Variants in RALGPS2 observed in about 807,000 individuals in gnomAD.
The protein encoded by RALGPS2 is ras-specific guanine nucleotide-releasing factor RalGPS2.
In RALGPS2, 43 loss-of-function variants were observed where a neutral mutation model predicts 86.8. The observed-to-expected ratio is 0.50, with a 90% CI of 0.39 to 0.64. The LOEUF is 0.64. Among genes scored for constraint, RALGPS2 ranks in the 30% least tolerant of loss-of-function variants. RALGPS2 has a pLI of 0.00. For synonymous variants in RALGPS2, 243 were observed against 231.3 expected (o/e 1.05, Z -0.46); for missense variants, 536 against 694.6 (o/e 0.77, Z 2.57).
At chr1:178,823,426 G>A (rs925225937) in intron 7 of RALGPS2, among the ~76,000 whole-genome samples, 1 of 151,756 alleles carries the variant, frequency 6.6e-6, no homozygotes, top group Non-Finnish European at 1.5e-5. Context: ...ATAAATAAAT[G>A]ACATAAATAG....
At chr1:178,813,586 C>T (rs544222442) in intron 6 of RALGPS2, among the ~76,000 whole-genome samples, 112 of 152,034 alleles carry the variant, frequency 7.4e-4, no homozygotes, top group Admixed American at 1.8e-3. Context: ...GAGATAGAAC[C>T]GTAGCATTCT....
intron 17 of RALGPS2, among the ~76,000 whole-genome samples, chr1:178,899,365 T>A (rs1465016774): frequency 6.6e-6 from 1 of 151,814 alleles, no homozygotes; most frequent in Non-Finnish European, 1.5e-5. Context: ...TCTTTTCTAA[T>A]TAAATTAAAA....
intron 1 of RALGPS2, among the ~76,000 whole-genome samples, chr1:178,773,275 T>C (rs1238162830): frequency 1.3e-5 from 2 of 152,080 alleles, no homozygotes; most frequent in East Asian, 3.9e-4. Context: ...ACCCCAGGAA[T>C]TGGAGGCTGC....
At chr1:178,875,595 A>T (rs969847875) in intron 8 of RALGPS2, among the ~76,000 whole-genome samples, 1 of 152,090 alleles carries the variant, frequency 6.6e-6, no homozygotes, top group African/African-American at 2.4e-5. Context: ...TAAAAATGCA[A>T]GAACTACCCA....
At chr1:178,908,004 C>T (rs1422909153) in intron 19 of RALGPS2, among the ~76,000 whole-genome samples, 2 of 152,064 alleles carry the variant, frequency 1.3e-5, no homozygotes, top group African/African-American at 4.8e-5. Context: ...TATTGTGTGT[C>T]ACTGAGGTTT....
At chr1:178,865,756 G>A in intron 8 of RALGPS2, 1 of 1,602,352 alleles carries the variant, frequency 6.2e-7, no homozygotes, top group Non-Finnish European at 8.5e-7. Flanking sequence ...GCACACCTAG[G>A]GTCCAGGTAA....
chr1:178,856,135 C>G (rs1174483335), intron 8 of RALGPS2, among the ~76,000 whole-genome samples: 1 of 144,172 alleles, frequency 6.9e-6, no homozygotes, highest in Non-Finnish European at 1.5e-5. Context: ...AATTTCTGTA[C>G]TATAAGGAGA....
chr1:178,833,418 T>C lies in RALGPS2; in HGVS notation c.481-6T>C. 5 of 1,504,394 alleles carry C rather than the reference T, an allele frequency of 3.3e-6. No homozygotes were observed. The highest frequency in any genetic ancestry group is 4.4e-6 in the Non-Finnish European group (5 of 1,139,796). 93.2% of individuals were successfully genotyped at this position (1,504,394 alleles called of 1,614,324 possible). A position where few individuals can be genotyped will look rare whatever the true frequency, so the allele number is the denominator to read the frequency against. On this transcript the variant is annotated splice_polypyrimidine_tract_variant and splice_region_variant and intron_variant, in intron 7 of 19. Coordinates refer to ENST00000367635, the MANE Select transcript of RALGPS2 (RefSeq NM_152663.5). Reference sequence around the variant, plus strand: ...AATAACTTAGGTTTTTCTGTTTGTTTTTTAGTTATTAAGTCGAAAAGACAA... The same window carrying C: ...AATAACTTAGGTTTTTCTGTTTGTTCTTTAGTTATTAAGTCGAAAAGACAA...
At chr1:178,818,214 G>A (rs1331563862) in intron 6 of RALGPS2, among the ~76,000 whole-genome samples, 1 of 152,086 alleles carries the variant, frequency 6.6e-6, no homozygotes, top group Non-Finnish European at 1.5e-5. Context: ...ACAAAAATTA[G>A]CCATGCATGG....
At chr1:178,815,377 G>T (rs1237708815) in intron 6 of RALGPS2, among the ~76,000 whole-genome samples, 1 of 151,986 alleles carries the variant, frequency 6.6e-6, no homozygotes, top group East Asian at 1.9e-4. Context: ...GAGCCACCGC[G>T]CCTGGCAGTC....
In RALGPS2 at chr1:178,878,877, TA is replaced by T. The variant is rs758538984; in HGVS notation, c.746-23del. ...TCTGGTTAAGATGTACTTTATCAGA[TA>T]ATTATTTATCACCTTTTGCCTAGAT... On this transcript the variant is annotated intron_variant, in intron 9 of 19. Transcript: ENST00000367635. 8 of 1,608,936 alleles carry T rather than the reference TA, an allele frequency of 5.0e-6. No individual in the cohort carries two copies. The African/African-American group carries it at 1.1e-4, about 22-fold the overall frequency.
At chr1:178,792,691 G>A (rs10913627) in intron 4 of RALGPS2, among the ~76,000 whole-genome samples, 21 of 152,032 alleles carry the variant, frequency 1.4e-4, no homozygotes, top group African/African-American at 3.9e-4. Flanking sequence ...CCCAAGCTGC[G>A]TGACCAAATT....
intron 8 of RALGPS2, among the ~76,000 whole-genome samples, chr1:178,868,402 A>G (rs571392471): frequency 6.6e-6 from 1 of 152,060 alleles, no homozygotes; most frequent in African/African-American, 2.4e-5. Flanking sequence ...TAATACTAGA[A>G]TGGAAACTCT....
intron 8 of RALGPS2, among the ~76,000 whole-genome samples, chr1:178,854,988 T>G (rs536392451): frequency 1.3e-5 from 2 of 152,278 alleles, no homozygotes; most frequent in South Asian, 4.1e-4. Flanking sequence ...AAAAAAGAAT[T>G]ACCCTAAAGA....
At position 178,917,599 on chromosome 1, in the gene RALGPS2, G is replaced by A. The variant is rs1184557515; in HGVS notation, c.*1240G>A. The A allele has an allele frequency of 6.6e-6, 1 of 152,042 alleles. No homozygotes were observed. The highest frequency in any genetic ancestry group is 2.4e-5 in the African/African-American group (1 of 41,412). The allele number at this position is 152,042 out of a possible 1,614,324, so 9.4% of individuals were successfully genotyped here. Reference sequence around the variant, plus strand: ...CATAAACATACCAAAACATTTTTCTGAAAATTTACTGTCGGTCTCTGACAT... The same window carrying A: ...CATAAACATACCAAAACATTTTTCTAAAAATTTACTGTCGGTCTCTGACAT... On this transcript the variant is annotated 3_prime_UTR_variant, in exon 20 of 20. Coordinates refer to ENST00000367635, the MANE Select transcript of RALGPS2 (RefSeq NM_152663.5).
chr1:178,871,464 G>A (rs2102352095), intron 8 of RALGPS2, among the ~76,000 whole-genome samples: 1 of 152,266 alleles, frequency 6.6e-6, no homozygotes, highest in Middle Eastern at 3.4e-3. Flanking sequence ...TCAGGAGGCA[G>A]CCACCTAAAT....
chr1:178,741,208 T>A (rs1180415191), intron 1 of RALGPS2, among the ~76,000 whole-genome samples: 1 of 152,176 alleles, frequency 6.6e-6, no homozygotes, highest in Admixed American at 6.5e-5. Flanking sequence ...CACTGAGCAT[T>A]TAATAGATGC....
intron 1 of RALGPS2, among the ~76,000 whole-genome samples, chr1:178,745,550 G>A (rs527398998): frequency 6.6e-6 from 1 of 152,182 alleles, no homozygotes; most frequent in African/African-American, 2.4e-5. Context: ...AACAAATAAT[G>A]CTGGCACAAA....
At chr1:178,803,246 A>G (rs1278164828) in intron 4 of RALGPS2, among the ~76,000 whole-genome samples, 1 of 152,188 alleles carries the variant, frequency 6.6e-6, no homozygotes, top group African/African-American at 2.4e-5. Context: ...ATTTGTAATT[A>G]TAGCATTACT....
Sources: allele counts gnomAD v4.1 joint callset (sites outside exome capture counted in the v4.1 genomes callset), GRCh38; gene constraint gnomAD v4.1.1; transcripts MANE v1.5; gene names NCBI Gene and HGNC (gene_info 2026-07-23, HGNC 2026-07-21).